The following SMARCAL1 variants were observed in gnomAD, a reference collection of about 807,000 sequenced individuals.
The protein encoded by SMARCAL1 is ATP-driven annealing helicase.
A neutral mutation model predicts 94.5 loss-of-function variants in SMARCAL1; 58 were observed. The ratio of observed to expected loss-of-function variants is 0.61; its 90% CI spans 0.50 to 0.76. The LOEUF (loss-of-function observed/expected upper bound fraction) is 0.76, where lower values mean the gene tolerates loss of function less well. SMARCAL1 is among the 30% of genes least tolerant of loss of function. The pLI is 0.00. For missense variants in SMARCAL1, 1,051 were observed against 1,177.9 expected, an observed-to-expected ratio of 0.89 and a Z score of 1.58; for synonymous variants, 422 against 455.1, an observed-to-expected ratio of 0.93 and a Z score of 0.93.
rs751806334 is a variant in SMARCAL1, at chr2:216,438,497, T to C, written c.1710+12T>C. The stretch of plus-strand genomic sequence containing the variant: ...TGCCGGTCCTAAAGGTGAGTACTTC[T>C]GAGAACTGAGCCCACTGAGCATTGG... On this transcript the variant is annotated intron_variant, in intron 10 of 17. Coordinates refer to ENST00000357276, the MANE Select transcript of SMARCAL1 (RefSeq NM_014140.4). 2 of 1,612,186 alleles carry C rather than the reference T, an allele frequency of 1.2e-6. No individual in the cohort carries two copies. Among genetic ancestry groups the C allele is most frequent in the Non-Finnish European group, 1.7e-6 (2 of 1,178,518 alleles).
At chr2:216,478,380 G>A in intron 17 of SMARCAL1, 81 bp downstream of exon 17, 1 of 1,094,744 alleles carries the variant, frequency 9.1e-7, no homozygotes, top group Non-Finnish European at 1.4e-6. Context: ...TCCTGAGTAG[G>A]AGGATGTGAA....
rs568252969 is a variant in SMARCAL1 at position 216,472,245 on chromosome 2, G to A, written c.2245-3024G>A. 1.9e-3 allele frequency among the ~76,000 whole-genome samples: 286 copies of A among 152,164 alleles called. 1 individual carries two copies. Among genetic ancestry groups the A allele is most frequent in the Non-Finnish European group, 2.2e-3 (152 of 68,008 alleles). ...TGGTGCATGCCTGTAATCCCAGCTA[G>A]TCAGGAGGCTGAGACACGAGAATTG... On this transcript the variant is annotated intron_variant, in intron 14 of 17. Transcript: ENST00000357276.
At chr2:216,428,838 A>G in intron 7 of SMARCAL1, 56 bp downstream of exon 7, 3 of 1,461,192 alleles carry the variant, frequency 2.1e-6, no homozygotes, top group South Asian at 2.3e-5. Flanking sequence ...ATTACTCACC[A>G]CAGACTGCAT....
chr2:216,461,329 T>C (rs1468787996), intron 12 of SMARCAL1, among the ~76,000 whole-genome samples: 1 of 151,986 alleles, frequency 6.6e-6, no homozygotes, highest in Admixed American at 6.6e-5. Flanking sequence ...ATAATTTGAG[T>C]ATTTTTCTAT....
intron 15 of SMARCAL1, among the ~76,000 whole-genome samples, chr2:216,476,363 G>T (rs1486968356): frequency 6.6e-6 from 1 of 151,662 alleles, no homozygotes; most frequent in African/African-American, 2.4e-5. Context: ...CTGTCACCCA[G>T]GCTGGACTGC....
chr2:216,474,713 G>C lies in SMARCAL1; in HGVS notation c.2245-556G>C, dbSNP rs545584845. Among the ~76,000 whole-genome samples the C allele has an allele frequency of 6.6e-5, 10 of 152,096 alleles. No homozygotes were observed. The South Asian group carries it at 1.9e-3, about 28-fold the overall frequency. On this transcript the variant is annotated intron_variant, in intron 14 of 17. Coordinates refer to ENST00000357276, the MANE Select transcript of SMARCAL1 (RefSeq NM_014140.4). ...GGAGGTTGCCGTGAGCCAAGATCGT[G>C]CCACTGCACTCCAGCCTGAGTGACA...
chr2:216,465,732 A>G (rs1694816958), intron 13 of SMARCAL1, among the ~76,000 whole-genome samples: 1 of 151,994 alleles, frequency 6.6e-6, no homozygotes, highest in African/African-American at 2.4e-5. Flanking sequence ...CTGGCAGGAT[A>G]ATGGTCCAAC....
In SMARCAL1 at chr2:216,450,926, G is replaced by A. The variant is rs1694436571; in HGVS notation, c.1932G>A (p.Arg644=). The A allele has an allele frequency of 6.2e-7, 1 of 1,614,190 alleles. No individual in the cohort carries two copies. Among genetic ancestry groups the A allele is most frequent in the Admixed American group, 1.7e-5 (1 of 60,028 alleles). ...TGCTGGAGGAAGCAGTCATGCTGCG[G>A]CGCCTCAAGTCCGACGTCCTTTCCC... is the stretch of plus-strand genomic sequence containing the variant. ...KLLLEEAVML[R]RLKSDVLSQL... The change falls in exon 12 of 18, where the codon CGG becomes CGA. Residue 644 remains arginine, a synonymous_variant. Transcript: ENST00000357276.
intron 6 of SMARCAL1, chr2:216,427,358 C>T (rs565745160): frequency 3.3e-5 from 5 of 152,316 alleles, no homozygotes; most frequent in African/African-American, 4.8e-5. Context: ...TGGTTTTATT[C>T]CTCTTAAATG....
At position 216,477,153 on chromosome 2, in the gene SMARCAL1, C is replaced by G. The variant is rs1338342544; in HGVS notation, c.2472C>G (p.Thr824=). 1 of 1,596,068 alleles carries G rather than the reference C, an allele frequency of 6.3e-7. No homozygotes were observed. The highest frequency in any genetic ancestry group is 8.5e-7 in the Non-Finnish European group (1 of 1,171,424). ...AEDRVHRIGQ[T]SSVGIHYLVA... ...ACCGCGTGCACCGCATTGGACAGAC[C>G]AGCTCCGTGGGCATTCACTACCTCG... The change falls in exon 16 of 18, where the codon ACC becomes ACG. Residue 824 remains threonine (T), a synonymous_variant. Coordinates refer to ENST00000357276, the MANE Select transcript of SMARCAL1 (RefSeq NM_014140.4).
At chr2:216,440,567 A>G (rs890672679) in intron 10 of SMARCAL1, among the ~76,000 whole-genome samples, 2 of 152,076 alleles carry the variant, frequency 1.3e-5, no homozygotes, top group African/African-American at 2.4e-5. Flanking sequence ...CCTCATGAAC[A>G]TGGCCTGTGT....
intron 15 of SMARCAL1, among the ~76,000 whole-genome samples, chr2:216,476,832 A>C (rs140243017): frequency 4.6e-5 from 7 of 152,358 alleles, no homozygotes; most frequent in Middle Eastern, 3.4e-3. Flanking sequence ...CACCTAGCTC[A>C]GTGCCCAGCA....
chr2:216,444,773 T>C (rs1230924161), intron 10 of SMARCAL1, among the ~76,000 whole-genome samples: 1 of 152,194 alleles, frequency 6.6e-6, no homozygotes, highest in Non-Finnish European at 1.5e-5. Context: ...TGCCTCAGCC[T>C]CCCAAAATGC....
chr2:216,412,961 C>T (rs1396439760), intron 1 of SMARCAL1: 1 of 152,488 alleles, frequency 6.6e-6, no homozygotes, highest in East Asian at 1.9e-4. Context: ...CTTACCAGGC[C>T]TGGGATCTGG....
Position 216,438,516 on chromosome 2 carries a change from G to T in SMARCAL1, c.1710+31G>T, listed in dbSNP as rs111626731. 767 of 1,592,438 alleles carry T rather than the reference G, an allele frequency of 4.8e-4. 2 individuals are homozygous for T. The African/African-American group carries it at 8.9e-3, about 19-fold the overall frequency. ...TACTTCTGAGAACTGAGCCCACTGA[G>T]CATTGGCATCCCATAATATTTTGCT... is the stretch of plus-strand genomic sequence containing the variant. On this transcript the variant is annotated intron_variant, in intron 10 of 17. Coordinates refer to ENST00000357276, the MANE Select transcript of SMARCAL1 (RefSeq NM_014140.4).
At chr2:216,449,750 C>T (rs1279385487) in intron 11 of SMARCAL1, among the ~76,000 whole-genome samples, 2 of 152,150 alleles carry the variant, frequency 1.3e-5, no homozygotes, top group Admixed American at 6.5e-5. Context: ...GTAGCAGGCA[C>T]ACTGGCTCCC....
intron 14 of SMARCAL1, among the ~76,000 whole-genome samples, chr2:216,469,802 A>G (rs1694922842): frequency 6.6e-6 from 1 of 152,160 alleles, no homozygotes; most frequent in Non-Finnish European, 1.5e-5. Context: ...ATGTTGTCAA[A>G]TTGCTCTCCA....
intron 9 of SMARCAL1, 125 bp downstream of exon 9, chr2:216,435,621 A>T: frequency 1.2e-6 from 1 of 862,854 alleles, no homozygotes; most frequent in Admixed American, 2.0e-5. Context: ...AATAGAAATC[A>T]CTGTCTTTAT....
intron 10 of SMARCAL1, among the ~76,000 whole-genome samples, chr2:216,439,323 A>AT (rs536031868): frequency 5.3e-3 from 360 of 67,848 alleles, no homozygotes; most frequent in Non-Finnish European, 6.1e-3. Flanking sequence ...TCCTTCCATT[A>AT]TGGGGGGGGG....
Sources: gnomAD v4.1 joint callset for allele counts (sites outside exome capture counted in the v4.1 genomes callset) on GRCh38, gnomAD v4.1.1 for gene constraint, MANE v1.5 for transcripts, NCBI Gene and HGNC (gene_info 2026-07-23, HGNC 2026-07-21) for gene names.